Variants in OSBPL3 observed in about 807,000 individuals in gnomAD.
The protein encoded by OSBPL3 is oxysterol binding protein like 3.
Under a neutral mutation model 120.1 loss-of-function variants are expected in OSBPL3, and 65 were observed. That is an observed-to-expected ratio of 0.54 (90% CI 0.44 to 0.67). The LOEUF (loss-of-function observed/expected upper bound fraction) is 0.67. OSBPL3 is among the 30% of genes least tolerant of loss of function. The pLI is 0.00. For synonymous variants in OSBPL3, 416 were observed against 402.6 expected, an observed-to-expected ratio of 1.03 and a Z score of -0.40; for missense variants, 1,004 against 1,082.1, an observed-to-expected ratio of 0.93 and a Z score of 1.01.
intron 1 of OSBPL3, among the ~76,000 whole-genome samples, chr7:24,920,795 T>C (rs942561412): frequency 6.6e-6 from 1 of 152,138 alleles, no homozygotes; most frequent in Non-Finnish European, 1.5e-5. Flanking sequence ...ATTGAATCTA[T>C]ACCATCTAGT....
rs1454342893 is a variant in OSBPL3 at position 24,930,351 on chromosome 7, TAAAC to T, written c.-149-37734_-149-37731del. ...ACACTTTTTGTTGTCAATTCCTGTC[TAAAC>T]AAACAAATTTTATACTGCCTATCCA... is the stretch of plus-strand genomic sequence containing the variant. On this transcript the variant is annotated intron_variant, in intron 1 of 22. Coordinates refer to ENST00000313367, the MANE Select transcript of OSBPL3 (RefSeq NM_015550.4). This position sits in a 1 kb window ranked among gnomAD's most constrained non-coding sequence, Gnocchi z 4.4. 6.6e-6 allele frequency among the ~76,000 whole-genome samples: 1 copy of T among 152,212 alleles called. No homozygotes were observed. Among genetic ancestry groups the T allele is most frequent in the Non-Finnish European group, 1.5e-5 (1 of 68,024 alleles).
At chr7:24,926,197 C>T (rs1404290688) in intron 1 of OSBPL3, among the ~76,000 whole-genome samples, 2 of 152,166 alleles carry the variant, frequency 1.3e-5, no homozygotes, top group African/African-American at 4.8e-5. Flanking sequence ...AGATGGACTC[C>T]ATTTCATACA....
Position 24,865,514 on chromosome 7 carries a change from T to C in OSBPL3, c.550-49A>G, listed in dbSNP as rs139365509. 1,035 of 1,591,528 alleles carry C rather than the reference T, an allele frequency of 6.5e-4. 9 individuals carry two copies. The African/African-American group carries it at 0.013, about 19-fold the overall frequency. ...CATTGTAAATGGAAACAGAGCCCAT[T>C]GGGGACATGTTAAGACAAAGGATAA... On this transcript the variant is annotated intron_variant, in intron 6 of 22. Transcript: ENST00000313367.
At position 24,820,177 on chromosome 7, in the gene OSBPL3, TG is replaced by T; in HGVS notation, c.1945del (p.Gln649LysfsTer3). On this transcript the variant is annotated frameshift_variant, in exon 17 of 23. Transcript: ENST00000313367. LOFTEE classifies it high-confidence loss of function. The surrounding 1 kb of genome is among the most constrained non-coding windows in gnomAD (Gnocchi z 4.6). ...HAESRNFVFW[Q>X]DVRWKNKFWG... ...AGTAAAATGTATTAGCACATTACCTTGCCAGAAAACAAAATTTCTAGACTCA... is the reference window on the plus strand; with the variant it reads ...AGTAAAATGTATTAGCACATTACCTTCCAGAAAACAAAATTTCTAGACTCA... The T allele has an allele frequency of 5.0e-6, 8 of 1,603,064 alleles. No individual in the cohort carries two copies. Among genetic ancestry groups the T allele is most frequent in the Non-Finnish European group, 6.8e-6 (8 of 1,170,684 alleles).
rs778145504 is a variant in OSBPL3 at position 24,834,331 on chromosome 7, G to A, written c.1746+155C>T. The A allele has an allele frequency of 6.8e-7, 1 of 1,473,048 alleles. No individual in the cohort carries two copies. Among genetic ancestry groups the A allele is most frequent in the Admixed American group, 2.5e-5 (1 of 40,340 alleles). The allele number at this position is 1,473,048 out of a possible 1,614,324, so 91.2% of individuals were successfully genotyped here. ...CAAGGTGACTGGAAACAGCCAGGCG[G>A]AGGAAGCCAGACAGCTCTGAGTAAT... On this transcript the variant is annotated intron_variant, in intron 15 of 22. Transcript: ENST00000313367. This position sits in a 1 kb window ranked among gnomAD's most constrained non-coding sequence, Gnocchi z 5.2.
At chr7:24,892,946 A>C (rs868476670) in intron 1 of OSBPL3, among the ~76,000 whole-genome samples, 20 of 152,324 alleles carry the variant, frequency 1.3e-4, no homozygotes, top group Middle Eastern at 6.8e-3. Context: ...AGCTATAATA[A>C]TTTTTTTAAT....
chr7:24,816,274 C>T (rs1013001145), intron 18 of OSBPL3, among the ~76,000 whole-genome samples: 10 of 152,148 alleles, frequency 6.6e-5, no homozygotes, highest in South Asian at 2.1e-4. Flanking sequence ...GCAATCTGCC[C>T]GCCTTGGCCT....
Position 24,873,117 on chromosome 7 carries a change from C to T in OSBPL3, c.97-1048G>A, listed in dbSNP as rs1802394854. ...GTAAGTTTTGACAAGCATGACACTTCAGCCAAGATTTCACCTGGACTAACT... is the reference window on the plus strand; with the variant it reads ...GTAAGTTTTGACAAGCATGACACTTTAGCCAAGATTTCACCTGGACTAACT... On this transcript the variant is annotated intron_variant, in intron 2 of 22. Coordinates refer to ENST00000313367, the MANE Select transcript of OSBPL3 (RefSeq NM_015550.4). This position sits in a 1 kb window ranked among gnomAD's most constrained non-coding sequence, Gnocchi z 4.1. Among the ~76,000 whole-genome samples the T allele has an allele frequency of 6.6e-6, 1 of 152,232 alleles. No homozygotes were observed. The highest frequency in any genetic ancestry group is 2.4e-5 in the African/African-American group (1 of 41,456).
rs62448671 is a variant in OSBPL3 at position 24,930,404 on chromosome 7, G to C, written c.-149-37783C>G. On this transcript the variant is annotated intron_variant, in intron 1 of 22. Transcript: ENST00000313367. The surrounding 1 kb of genome is among the most constrained non-coding windows in gnomAD (Gnocchi z 4.4). ...CAAGATTAAGATTACACTTAACAAA[G>C]GTTTCCCATCTCTTGTTCTAAAGAT... Among the ~76,000 whole-genome samples, 1 of 151,792 alleles carries C rather than the reference G, an allele frequency of 6.6e-6. No individual in the cohort carries two copies. The highest frequency in any genetic ancestry group is 2.4e-5 in the African/African-American group (1 of 41,280).
At chr7:24,875,492 T>TA (rs1802720132) in intron 2 of OSBPL3, among the ~76,000 whole-genome samples, 1 of 152,232 alleles carries the variant, frequency 6.6e-6, no homozygotes. Context: ...TTTTCCTTTA[T>TA]ATTACAGTAA....
intron 1 of OSBPL3, among the ~76,000 whole-genome samples, chr7:24,893,080 T>A (rs1805609365): frequency 6.6e-6 from 1 of 152,138 alleles, no homozygotes; most frequent in Non-Finnish European, 1.5e-5. Context: ...TCTCAAAAAT[T>A]TAAACATAGA....
chr7:24,935,613 T>G (rs998257044), intron 1 of OSBPL3, among the ~76,000 whole-genome samples: 11 of 152,170 alleles, frequency 7.2e-5, no homozygotes, highest in Non-Finnish European at 1.5e-4. Flanking sequence ...TATGCTTATA[T>G]CTAAAAAGAA....
In OSBPL3 at chr7:24,827,035, C is replaced by A. The variant is rs548264750; in HGVS notation, c.1884+3733G>T. Among the ~76,000 whole-genome samples, 7 of 152,322 alleles carry A rather than the reference C, an allele frequency of 4.6e-5. No homozygotes were observed. Among genetic ancestry groups the A allele is most frequent in the African/African-American group, 1.7e-4 (7 of 41,572 alleles). ...AGAAGAAAAGCCAAGCTGTTTCTTG[C>A]CAGGTCCTTAAGCTTGGAGATACAA... is the stretch of plus-strand genomic sequence containing the variant. On this transcript the variant is annotated intron_variant, in intron 16 of 22. Transcript: ENST00000313367. The surrounding 1 kb of genome is among the most constrained non-coding windows in gnomAD (Gnocchi z 5.1).
At chr7:24,861,328 T>C (rs1241958428) in intron 10 of OSBPL3, among the ~76,000 whole-genome samples, 1 of 152,204 alleles carries the variant, frequency 6.6e-6, no homozygotes, top group Non-Finnish European at 1.5e-5. Context: ...TAATATCATA[T>C]TGCCCTCCAG....
Position 24,873,214 on chromosome 7 carries a change from G to T in OSBPL3, c.97-1145C>A, listed in dbSNP as rs1289564524. ...AGCCAAGGGCACTGGGAGATGGACA[G>T]TGAGTCTGAACCAGCACCAGGGAGC... On this transcript the variant is annotated intron_variant, in intron 2 of 22. Coordinates refer to ENST00000313367, the MANE Select transcript of OSBPL3 (RefSeq NM_015550.4). This position sits in a 1 kb window ranked among gnomAD's most constrained non-coding sequence, Gnocchi z 4.1. Among the ~76,000 whole-genome samples the T allele has an allele frequency of 6.6e-6, 1 of 152,212 alleles. No homozygotes were observed. Among genetic ancestry groups the T allele is most frequent in the Non-Finnish European group, 1.5e-5 (1 of 68,030 alleles).
rs1225109883 is a variant in OSBPL3, at chr7:24,938,211, A to ATTAAT, written c.-150+41670_-150+41674dup. Among the ~76,000 whole-genome samples the ATTAAT allele has an allele frequency of 6.6e-6, 1 of 152,130 alleles. No individual in the cohort carries two copies. The highest frequency in any genetic ancestry group is 1.5e-5 in the Non-Finnish European group (1 of 68,006). The stretch of plus-strand genomic sequence containing the variant: ...CATGAGGGCTCCCCCTTTGCATGGG[A>ATTAAT]TTAATACCCTTATGAAAGAGAGCCC... On this transcript the variant is annotated intron_variant, in intron 1 of 22. Coordinates refer to ENST00000313367, the MANE Select transcript of OSBPL3 (RefSeq NM_015550.4). This position sits in a 1 kb window ranked among gnomAD's most constrained non-coding sequence, Gnocchi z 5.8.
chr7:24,910,269 G>A (rs957391112), intron 1 of OSBPL3, among the ~76,000 whole-genome samples: 3 of 152,136 alleles, frequency 2.0e-5, no homozygotes, highest in Non-Finnish European at 2.9e-5. Context: ...GTGGTCCCAA[G>A]AGTCACTACA....
Position 24,899,891 on chromosome 7 carries a change from T to TG in OSBPL3, c.-149-7271dup, listed in dbSNP as rs1806733048. 6.6e-6 allele frequency among the ~76,000 whole-genome samples: 1 copy of TG among 152,256 alleles called. No homozygotes were observed. Among genetic ancestry groups the TG allele is most frequent in the African/African-American group, 2.4e-5 (1 of 41,470 alleles). Reference sequence around the variant, plus strand: ...CTATCTAGAGACGGGCCTGATAATCTGCATGTTTAACACATGCCCTGGGTG... The same window carrying TG: ...CTATCTAGAGACGGGCCTGATAATCTGGCATGTTTAACACATGCCCTGGGTG... On this transcript the variant is annotated intron_variant, in intron 1 of 22. Coordinates refer to ENST00000313367, the MANE Select transcript of OSBPL3 (RefSeq NM_015550.4). This position sits in a 1 kb window ranked among gnomAD's most constrained non-coding sequence, Gnocchi z 4.0.
intron 2 of OSBPL3, among the ~76,000 whole-genome samples, chr7:24,885,227 C>CAAA (rs59823834): frequency 4.5e-5 from 5 of 112,228 alleles, no homozygotes; most frequent in African/African-American, 8.8e-5. Context: ...GTCTCAAAAA[C>CAAA]AAAAAAAAAA....
Sources: allele counts gnomAD v4.1 joint callset (sites outside exome capture counted in the v4.1 genomes callset), GRCh38; gene constraint gnomAD v4.1.1; non-coding constraint Gnocchi (gnomAD v3.1); transcripts MANE v1.5; gene names NCBI Gene and HGNC (gene_info 2026-07-23, HGNC 2026-07-21).